Variants in MLLT6 observed in about 807,000 individuals in gnomAD.
MLLT6 encodes the protein protein AF-17.
A neutral mutation model predicts 103.0 loss-of-function variants in MLLT6; 22 were observed. The ratio of observed to expected loss-of-function variants is 0.21; its 90% CI spans 0.15 to 0.31. MLLT6 has a LOEUF of 0.31. Ranked by LOEUF, MLLT6 falls within the 10% of genes least tolerant of loss-of-function variation. The pLI is 1.00. For synonymous variants in MLLT6, 606 were observed against 623.5 expected (o/e 0.97, Z 0.42); for missense variants, 1,199 against 1,441.7 (o/e 0.83, Z 2.73).
chr17:38,708,093 A>T (rs1905007654), intron 4 of MLLT6: 3 of 570,722 alleles, frequency 5.3e-6, no homozygotes, highest in Non-Finnish European at 9.4e-6. Context: ...GTTCTGCCAG[A>T]GGGTAGACCT....
rs780174315 is a variant in MLLT6 at position 38,707,848 on chromosome 17, C to T, written c.330C>T (p.Tyr110=). The T allele has an allele frequency of 3.9e-5, 63 of 1,612,678 alleles. No homozygotes were observed. The highest frequency in any genetic ancestry group is 3.1e-4 in the East Asian group (14 of 44,892). The change falls in exon 4 of 20, where the codon TAC becomes TAT. Residue 110 remains tyrosine (Y), a synonymous_variant. Transcript: ENST00000621332. ...CCATGGAGCCCATCGTGCTGCAGTACGTGCCTCATGATCGCTTCAACAAGG... is the reference window on the plus strand; with the variant it reads ...CCATGGAGCCCATCGTGCTGCAGTATGTGCCTCATGATCGCTTCAACAAGG... The part of the protein sequence containing the change: ...VLTMEPIVLQ[Y]VPHDRFNKTC...
chr17:38,725,664 C>T lies in MLLT6; in HGVS notation c.*66C>T, dbSNP rs895451051. 9 of 1,392,030 alleles carry T rather than the reference C, an allele frequency of 6.5e-6. No individual in the cohort carries two copies. In the Admixed American group the frequency reaches 1.6e-4, roughly 26 times the overall value. 86.2% of individuals were successfully genotyped at this position (1,392,030 alleles called of 1,614,324 possible). A position where few individuals can be genotyped will look rare whatever the true frequency, so the allele number is the denominator to read the frequency against. The stretch of plus-strand genomic sequence containing the variant: ...CAGATCCTGGCCTGAGGGGTCCTAG[C>T]CTGGAGCAGGCGCCTGCGCCCAGAC... On this transcript the variant is annotated 3_prime_UTR_variant, in exon 20 of 20. Coordinates refer to ENST00000621332, the MANE Select transcript of MLLT6 (RefSeq NM_005937.4).
Position 38,724,854 on chromosome 17 carries a change from G to A in MLLT6, c.3118G>A (p.Ala1040Thr), listed in dbSNP as rs567302702. The A allele has an allele frequency of 4.4e-6, 7 of 1,576,876 alleles. No homozygotes were observed. The highest frequency in any genetic ancestry group is 1.8e-5 in the Admixed American group (1 of 54,906). ...GCTTGGCAACAACACAAGTCTCATG[G>A]CCGCAGCAGCTGCAGCTGCAGCAGT... ...PSLGNNTSLM[A>T]AAAAAAAVAA... The change falls in exon 19 of 20, where the codon GCC (alanine) becomes ACC (threonine). Residue 1040 changes from alanine to threonine, a missense_variant. Physicochemically the swap from Ala to Thr is moderately conservative, Grantham distance 58 (BLOSUM62 0). This residue lies in a region of MLLT6 where 55 missense variants were observed against 93.3 expected (regional missense o/e 0.59). Transcript: ENST00000621332. The surrounding 1 kb of genome is among the most constrained non-coding windows in gnomAD (Gnocchi z 5.4).
At position 38,716,272 on chromosome 17, in the gene MLLT6, C is replaced by T. The variant is rs532736628; in HGVS notation, c.1037-95C>T. On this transcript the variant is annotated intron_variant, in intron 9 of 19. Coordinates refer to ENST00000621332, the MANE Select transcript of MLLT6 (RefSeq NM_005937.4). This position sits in a 1 kb window ranked among gnomAD's most constrained non-coding sequence, Gnocchi z 5.6. ...AGACAGGAAACCAGGCATCCCCATT[C>T]GTGGACCAGAGCTCTCTCCCGCCAG... 50 of 1,325,096 alleles carry T rather than the reference C, an allele frequency of 3.8e-5. No individual in the cohort carries two copies. In the African/African-American group the frequency reaches 6.1e-4, roughly 16 times the overall value. The allele number at this position is 1,325,096 out of a possible 1,614,324, so 82.1% of individuals were successfully genotyped here.
At chr17:38,718,747 T>G (rs893716030) in intron 12 of MLLT6, 3 of 152,098 alleles carry the variant, frequency 2.0e-5, no homozygotes, top group Non-Finnish European at 4.4e-5. Context: ...TATTTACGAG[T>G]TAAGGGGGCG....
chr17:38,721,534 C>G (rs910959556), intron 16 of MLLT6, among the ~76,000 whole-genome samples: 2 of 152,198 alleles, frequency 1.3e-5, no homozygotes, highest in African/African-American at 4.8e-5. Flanking sequence ...GTTACTTAAC[C>G]TGTGCAAGAA....
intron 14 of MLLT6, 68 bp downstream of exon 14, chr17:38,719,963 T>C: frequency 6.8e-7 from 1 of 1,481,376 alleles, no homozygotes; most frequent in Non-Finnish European, 9.0e-7. Flanking sequence ...CTCCCCGAGG[T>C]CCCCAAGCTT....
In MLLT6 at chr17:38,719,541, TCCGGTGTCG is replaced by T; in HGVS notation, c.1968_1976del (p.Phe656_Arg659delinsLeu). The stretch of plus-strand genomic sequence containing the variant: ...GAGCCAGACCTGGAGGACTGCAGCT[TCCGGTGTCG>T]GGGGACCTCCCCTCAGGAGAGTCTG... On this transcript the variant is annotated inframe_deletion, in exon 13 of 20. Coordinates refer to ENST00000621332, the MANE Select transcript of MLLT6 (RefSeq NM_005937.4). 1 of 1,611,700 alleles carries T rather than the reference TCCGGTGTCG, an allele frequency of 6.2e-7. No homozygotes were observed. Among genetic ancestry groups the T allele is most frequent in the Non-Finnish European group, 8.5e-7 (1 of 1,179,218 alleles).
In MLLT6 at chr17:38,717,890, A is replaced by G; in HGVS notation, c.1879A>G (p.Ile627Val). Residue 627 changes from isoleucine to valine, a missense_variant, in exon 12 of 20, where the codon ATC becomes GTC. Ile to Val is a conservative substitution (Grantham distance 29). Around this residue, in one of 7 missense-constraint regions of MLLT6, gnomAD observed 1,034 missense variants for 1,091.5 expected, o/e 0.95. Coordinates refer to ENST00000621332, the MANE Select transcript of MLLT6 (RefSeq NM_005937.4). ...GSTFSLPSTH[I>V]FGTPMGAVNP... The stretch of plus-strand genomic sequence containing the variant: ...TACCTTTAGCCTCCCTTCTACCCAC[A>G]TCTTTGGAACCCCCATGGGTGCCGT... 6.2e-7 allele frequency: 1 copy of G among 1,613,776 alleles called. No individual in the cohort carries two copies. The highest frequency in any genetic ancestry group is 8.5e-7 in the Non-Finnish European group (1 of 1,179,890).
intron 17 of MLLT6, 30 bp from the exon 18 acceptor site, chr17:38,722,648 T>TA: frequency 4.5e-6 from 2 of 441,542 alleles, no homozygotes; most frequent in South Asian, 4.3e-5. Flanking sequence ...CTGTGTGTTG[T>TA]CCCCCCCCCA....
rs367646459 is a variant in MLLT6 at position 38,712,774 on chromosome 17, C to T, written c.804C>T (p.Val268=). The T allele has an allele frequency of 9.9e-6, 16 of 1,612,944 alleles. No individual in the cohort carries two copies. The highest frequency in any genetic ancestry group is 2.2e-5 in the South Asian group (2 of 91,016). ...CCAGCATCCTCACCCCGCCCGTGGT[C>T]CCCACTGCTGACAAGGTACTGCTGC... ...SPPSILTPPV[V]PTADKVSSSA... The change falls in exon 8 of 20, where the codon GTC becomes GTT. Residue 268 remains valine (V), a synonymous_variant. Transcript: ENST00000621332.
chr17:38,711,876 C>A lies in MLLT6; in HGVS notation c.582C>A (p.Gly194=). ...CATCCCGGCACAGCAGCGGGGGAGG[C>A]GGAGGAGGCGCTGGAGGAGGAGGTG... is the stretch of plus-strand genomic sequence containing the variant. ...MKTSRHSSGG[G]GGGAGGGGGS... Residue 194 remains glycine (G), a synonymous_variant, in exon 7 of 20, where the codon GGC becomes GGA. Coordinates refer to ENST00000621332, the MANE Select transcript of MLLT6 (RefSeq NM_005937.4). 6.3e-7 allele frequency: 1 copy of A among 1,589,342 alleles called. No individual in the cohort carries two copies. The highest frequency in any genetic ancestry group is 8.6e-7 in the Non-Finnish European group (1 of 1,167,810).
Position 38,709,661 on chromosome 17 carries a change from C to T in MLLT6, c.552+86C>T. The T allele has an allele frequency of 9.5e-7, 1 of 1,052,190 alleles. No homozygotes were observed. The highest frequency in any genetic ancestry group is 1.5e-6 in the Non-Finnish European group (1 of 681,362). The allele number at this position is 1,052,190 out of a possible 1,614,324, so 65.2% of individuals were successfully genotyped here. A position where few individuals can be genotyped will look rare whatever the true frequency, so the allele number is the denominator to read the frequency against. ...CATGGGCTCTGGGCCAGGCCAGTGC[C>T]TGGTGCTAGGAGGACAGAGAGGGAA... On this transcript the variant is annotated intron_variant, in intron 6 of 19. Coordinates refer to ENST00000621332, the MANE Select transcript of MLLT6 (RefSeq NM_005937.4). This position sits in a 1 kb window ranked among gnomAD's most constrained non-coding sequence, Gnocchi z 4.3.
intron 8 of MLLT6, chr17:38,715,238 T>G (rs1905284662): frequency 5.5e-6 from 1 of 182,962 alleles, no homozygotes; most frequent in South Asian, 1.6e-4. Context: ...CCTCGCCACT[T>G]CCAGCATAGG....
chr17:38,707,037 C>T lies in MLLT6; in HGVS notation c.189+8C>T, dbSNP rs762058796. On this transcript the variant is annotated splice_region_variant and intron_variant, in intron 2 of 19. Coordinates refer to ENST00000621332, the MANE Select transcript of MLLT6 (RefSeq NM_005937.4). The stretch of plus-strand genomic sequence containing the variant: ...GAGCGAGCAGCCAGGGTGGTGAGTT[C>T]CAGACTGCCCCTCTCCACTCCCCTG... The T allele has an allele frequency of 2.3e-5, 37 of 1,607,484 alleles. No homozygotes were observed. The highest frequency in any genetic ancestry group is 8.4e-5 in the Admixed American group (5 of 59,798).
chr17:38,712,816 T>G, intron 8 of MLLT6, 27 bp downstream of exon 8: 1 of 1,546,838 alleles, frequency 6.5e-7, no homozygotes, highest in Non-Finnish European at 8.9e-7. Context: ...TCAGGAGGGA[T>G]GGTGTGTGGG....
At position 38,728,071 on chromosome 17, in the gene MLLT6, A is replaced by G. The variant is rs1208430180; in HGVS notation, c.*2473A>G. 2 of 233,100 alleles carry G rather than the reference A, an allele frequency of 8.6e-6. No homozygotes were observed. The highest frequency in any genetic ancestry group is 1.7e-5 in the Non-Finnish European group (2 of 118,052). The allele number at this position is 233,100 out of a possible 1,614,324, so 14.4% of individuals were successfully genotyped here. Reference sequence around the variant, plus strand: ...CTCATCTCCAAGTGGCTGTTCTCCAACTTTCCCAAGCCGCTTGCATTCCCC... The same window carrying G: ...CTCATCTCCAAGTGGCTGTTCTCCAGCTTTCCCAAGCCGCTTGCATTCCCC... On this transcript the variant is annotated 3_prime_UTR_variant, in exon 20 of 20. Coordinates refer to ENST00000621332, the MANE Select transcript of MLLT6 (RefSeq NM_005937.4).
Position 38,724,579 on chromosome 17 carries a change from C to T in MLLT6, c.2884-41C>T, listed in dbSNP as rs773356112. 6.7e-7 allele frequency: 1 copy of T among 1,501,524 alleles called. No homozygotes were observed. The highest frequency in any genetic ancestry group is 9.0e-7 in the Non-Finnish European group (1 of 1,108,088). The allele number at this position is 1,501,524 out of a possible 1,614,324, so 93.0% of individuals were successfully genotyped here. The stretch of plus-strand genomic sequence containing the variant: ...GCAGGCAGGCAGCAGGGAAGAGACC[C>T]CCGGGACTGTTGGCCAACAAGCGGT... On this transcript the variant is annotated intron_variant, in intron 18 of 19. Coordinates refer to ENST00000621332, the MANE Select transcript of MLLT6 (RefSeq NM_005937.4). The surrounding 1 kb of genome is among the most constrained non-coding windows in gnomAD (Gnocchi z 5.4).
At position 38,728,716 on chromosome 17, in the gene MLLT6, C is replaced by T. The variant is rs984805574; in HGVS notation, c.*3118C>T. 3 of 234,178 alleles carry T rather than the reference C, an allele frequency of 1.3e-5. No individual in the cohort carries two copies. The highest frequency in any genetic ancestry group is 1.1e-4 in the Admixed American group (2 of 17,780). The allele number at this position is 234,178 out of a possible 1,614,324, so 14.5% of individuals were successfully genotyped here. On this transcript the variant is annotated 3_prime_UTR_variant, in exon 20 of 20. Coordinates refer to ENST00000621332, the MANE Select transcript of MLLT6 (RefSeq NM_005937.4). The stretch of plus-strand genomic sequence containing the variant: ...GCCCTCAGGACTGTGGCCTCCTGGC[C>T]CTTGGTTCCCCTGCCCCACAACATG...
Sources: gnomAD v4.1 joint callset for allele counts (sites outside exome capture counted in the v4.1 genomes callset) on GRCh38, gnomAD v4.1.1 for gene constraint, gnomAD v4.1.1 regional missense constraint, Gnocchi (gnomAD v3.1) non-coding constraint, MANE v1.5 for transcripts, NCBI Gene and HGNC (gene_info 2026-07-23, HGNC 2026-07-21) for gene names.